Variants in SEMA3E observed in about 807,000 individuals in gnomAD.
SEMA3E encodes semaphorin 3E.
Under a neutral mutation model 93.6 loss-of-function variants are expected in SEMA3E, and 49 were observed. The ratio of observed to expected loss-of-function variants is 0.52; its 90% CI spans 0.42 to 0.66. SEMA3E has a LOEUF of 0.66. SEMA3E is among the 30% of genes least tolerant of loss of function. The pLI is 0.00. For missense variants in SEMA3E, 906 were observed against 964.8 expected (o/e 0.94, Z 0.81); for synonymous variants, 363 against 330.7 (o/e 1.10, Z -1.06).
At chr7:83,492,130 G>A (rs1790397611) in intron 1 of SEMA3E, among the ~76,000 whole-genome samples, 1 of 152,030 alleles carries the variant, frequency 6.6e-6, no homozygotes, top group Non-Finnish European at 1.5e-5. Context: ...CTGATGAAAG[G>A]ATGGTTACGC....
chr7:83,623,687 A>G lies in SEMA3E; in HGVS notation c.115+24741T>C, dbSNP rs149551579. 5.7e-3 allele frequency among the ~76,000 whole-genome samples: 862 copies of G among 151,994 alleles called. 8 individuals carry two copies. The highest frequency in any genetic ancestry group is 0.02 in the African/African-American group (826 of 41,498). ...ATATTTGCTACCATATTTTTAGAAC[A>G]CAATTATTCCTTACTTACCTGAGAT... On this transcript the variant is annotated intron_variant, in intron 1 of 16. Coordinates refer to ENST00000643230, the MANE Select transcript of SEMA3E (RefSeq NM_012431.3).
At chr7:83,418,957 GT>G in intron 4 of SEMA3E, among the ~76,000 whole-genome samples, 2 of 152,120 alleles carry the variant, frequency 1.3e-5, no homozygotes, top group East Asian at 3.9e-4. Context: ...GCCTTATTGT[GT>G]GATGCTGAAG....
At chr7:83,422,833 C>T (rs899588589) in intron 4 of SEMA3E, among the ~76,000 whole-genome samples, 9 of 152,066 alleles carry the variant, frequency 5.9e-5, no homozygotes, top group African/African-American at 9.7e-5. Context: ...CTGTCAAATG[C>T]GTGAAGCAAA....
intron 4 of SEMA3E, among the ~76,000 whole-genome samples, chr7:83,435,145 C>A (rs6961910): frequency 0.089 from 13,526 of 152,230 alleles, 1,301 homozygotes; most frequent in African/African-American, 0.24. Flanking sequence ...AAGTTCTACT[C>A]TTTTTCTCAT....
At chr7:83,573,875 A>C (rs1253649914) in intron 1 of SEMA3E, among the ~76,000 whole-genome samples, 1 of 151,850 alleles carries the variant, frequency 6.6e-6, no homozygotes, top group African/African-American at 2.4e-5. Context: ...TATTTTCTTT[A>C]GCATTTTATA....
intron 1 of SEMA3E, among the ~76,000 whole-genome samples, chr7:83,577,244 A>G (rs973417677): frequency 2.0e-5 from 3 of 152,198 alleles, no homozygotes; most frequent in African/African-American, 7.2e-5. Flanking sequence ...AGATCGACCA[A>G]TTGATCTATA....
Position 83,407,178 on chromosome 7 carries a change from T to A in SEMA3E, c.732A>T (p.Val244=), listed in dbSNP as rs747116916. ...PDNEDRDDNK[V]YFFFTEKALE... ...GTGCCTTCTCAGTAAAAAAGAAATA[T>A]ACTTTGTTGTCATCTCTGTCTTCAT... The change falls in exon 7 of 17, where the codon GTA becomes GTT. Residue 244 remains valine (V), a synonymous_variant. Coordinates refer to ENST00000643230, the MANE Select transcript of SEMA3E (RefSeq NM_012431.3). The A allele has an allele frequency of 6.2e-7, 1 of 1,613,434 alleles. No individual in the cohort carries two copies. The highest frequency in any genetic ancestry group is 1.3e-5 in the African/African-American group (1 of 74,898).
intron 1 of SEMA3E, among the ~76,000 whole-genome samples, chr7:83,633,332 A>G (rs1457792940): frequency 6.6e-6 from 1 of 152,078 alleles, no homozygotes; most frequent in East Asian, 1.9e-4. Context: ...AACCAATGAG[A>G]AGGTGATATT....
At chr7:83,646,382 C>G (rs1447454695) in intron 1 of SEMA3E, among the ~76,000 whole-genome samples, 1 of 152,020 alleles carries the variant, frequency 6.6e-6, no homozygotes, top group African/African-American at 2.4e-5. Flanking sequence ...TATATATGCT[C>G]TTCTTTTCAC....
intron 5 of SEMA3E, among the ~76,000 whole-genome samples, chr7:83,412,777 A>C (rs971766010): frequency 2.9e-4 from 44 of 150,006 alleles, no homozygotes; most frequent in Middle Eastern, 3.4e-3. Context: ...AAAAAAAAAA[A>C]ACACACAGGA....
intron 1 of SEMA3E, among the ~76,000 whole-genome samples, chr7:83,635,600 T>C (rs928934647): frequency 6.6e-6 from 1 of 151,852 alleles, no homozygotes; most frequent in Admixed American, 6.6e-5. Flanking sequence ...CATTTCAAAA[T>C]ATATTATCAA....
chr7:83,544,133 C>T (rs1180427429), intron 1 of SEMA3E, among the ~76,000 whole-genome samples: 2 of 152,016 alleles, frequency 1.3e-5, no homozygotes, highest in Non-Finnish European at 1.5e-5. Flanking sequence ...GCACCTGTAT[C>T]ATTGCCCAGT....
At chr7:83,392,520 G>A (rs1193736887) in intron 14 of SEMA3E, 35 bp downstream of exon 14, 1 of 1,603,994 alleles carries the variant, frequency 6.2e-7, no homozygotes, top group Non-Finnish European at 8.5e-7. Flanking sequence ...GTTTTCCTAA[G>A]CAAGGGAAAT....
chr7:83,631,418 T>C (rs922827618), intron 1 of SEMA3E, among the ~76,000 whole-genome samples: 3 of 152,154 alleles, frequency 2.0e-5, no homozygotes, highest in African/African-American at 7.2e-5. Context: ...TACTGACATT[T>C]TAGATAAAGC....
intron 4 of SEMA3E, among the ~76,000 whole-genome samples, chr7:83,425,304 C>G (rs1341199039): frequency 6.6e-6 from 1 of 152,102 alleles, no homozygotes; most frequent in Non-Finnish European, 1.5e-5. Context: ...AACTATTGTT[C>G]TATTTTCTTC....
At chr7:83,549,208 T>C (rs765882816) in intron 1 of SEMA3E, among the ~76,000 whole-genome samples, 5 of 152,192 alleles carry the variant, frequency 3.3e-5, no homozygotes, top group Non-Finnish European at 5.9e-5. Flanking sequence ...TATATTTGTA[T>C]AGCTCTTTAA....
intron 14 of SEMA3E, among the ~76,000 whole-genome samples, chr7:83,389,525 A>C (rs1787949184): frequency 8.0e-6 from 1 of 124,712 alleles, no homozygotes; most frequent in African/African-American, 2.5e-5. Context: ...ATTCTCCAGC[A>C]AGGTTTCAGT....
chr7:83,424,456 C>T (rs528642949), intron 4 of SEMA3E, among the ~76,000 whole-genome samples: 266 of 152,198 alleles, frequency 1.7e-3, no homozygotes, highest in Non-Finnish European at 3.3e-3. Flanking sequence ...AATATGAATA[C>T]TAAAACTACA....
intron 1 of SEMA3E, among the ~76,000 whole-genome samples, chr7:83,629,266 C>T (rs1247799557): frequency 3.3e-5 from 5 of 152,156 alleles, no homozygotes; most frequent in African/African-American, 9.7e-5. Context: ...AGGTATCTTC[C>T]CATCAGGAGG....
Sources: allele counts gnomAD v4.1 joint callset (sites outside exome capture counted in the v4.1 genomes callset), GRCh38; gene constraint gnomAD v4.1.1; transcripts MANE v1.5; gene names NCBI Gene and HGNC (gene_info 2026-07-23, HGNC 2026-07-21).